The following TMEM9 variants were observed in gnomAD, a reference collection of about 807,000 sequenced individuals.
TMEM9 encodes the protein transmembrane protein 9.
Under a neutral mutation model 22.8 loss-of-function variants are expected in TMEM9, and 13 were observed. The observed-to-expected ratio is 0.57, with a 90% CI of 0.37 to 0.91. The LOEUF (loss-of-function observed/expected upper bound fraction) is 0.91. Ranked by LOEUF, TMEM9 falls within the 40% of genes least tolerant of loss-of-function variation. The probability of loss-of-function intolerance (pLI) is 0.01; values close to 1 mark genes in which losing one functional copy is unlikely to be tolerated. For missense variants in TMEM9, 182 were observed against 238.1 expected (o/e 0.76, Z 1.55); for synonymous variants, 88 against 93.0 (o/e 0.95, Z 0.31).
intron 4 of TMEM9, among the ~76,000 whole-genome samples, chr1:201,136,216 T>C (rs1663971120): frequency 6.6e-6 from 1 of 152,188 alleles, no homozygotes; most frequent in African/African-American, 2.4e-5. Context: ...ATGCTAAGTA[T>C]AGGCTTCAAG....
intron 3 of TMEM9, among the ~76,000 whole-genome samples, chr1:201,146,386 G>A (rs144570577): frequency 6.6e-6 from 1 of 152,318 alleles, no homozygotes; most frequent in African/African-American, 2.4e-5. Context: ...CCCATTGGCA[G>A]CATCTTGCCC....
At chr1:201,170,727 A>C (rs997850629) in intron 1 of TMEM9, among the ~76,000 whole-genome samples, 1 of 152,172 alleles carries the variant, frequency 6.6e-6, no homozygotes, top group Non-Finnish European at 1.5e-5. Flanking sequence ...AGTGTATTGC[A>C]TCAGGGTTGA....
At chr1:201,149,201 G>A (rs1665231190) in intron 2 of TMEM9, among the ~76,000 whole-genome samples, 1 of 152,126 alleles carries the variant, frequency 6.6e-6, no homozygotes, top group Non-Finnish European at 1.5e-5. Flanking sequence ...GTGATTGGGG[G>A]CAATTTATTT....
At chr1:201,161,253 C>T (rs765054743) in intron 1 of TMEM9, among the ~76,000 whole-genome samples, 2 of 152,068 alleles carry the variant, frequency 1.3e-5, no homozygotes, top group Admixed American at 6.5e-5. Flanking sequence ...TCTAACCTTC[C>T]GAAAACCCCA....
intron 2 of TMEM9, among the ~76,000 whole-genome samples, chr1:201,147,837 T>C (rs1558111941): frequency 6.6e-6 from 1 of 152,172 alleles, no homozygotes; most frequent in South Asian, 2.1e-4. Flanking sequence ...CAGGCTGCTC[T>C]CTGAAGGAGC....
rs1665646911 is a variant in TMEM9 at position 201,154,005 on chromosome 1, C to A, written c.-82G>T. 2 of 1,504,656 alleles carry A rather than the reference C, an allele frequency of 1.3e-6. No individual in the cohort carries two copies. The highest frequency in any genetic ancestry group is 1.8e-6 in the Non-Finnish European group (2 of 1,116,550). The allele number at this position is 1,504,656 out of a possible 1,614,324, so 93.2% of individuals were successfully genotyped here. On this transcript the variant is annotated 5_prime_UTR_variant, in exon 1 of 5. Coordinates refer to ENST00000367330, the MANE Select transcript of TMEM9 (RefSeq NM_001288565.2). ...TCGGAGAAGGGGAAGGTGGCCACAC[C>A]GCAGCCAGCACGCTAGGCCCTTAAC... is the stretch of plus-strand genomic sequence containing the variant.
At chr1:201,156,967 C>A (rs943593970), upstream of TMEM9, among the ~76,000 whole-genome samples, 5 of 152,136 alleles carry the variant, frequency 3.3e-5, no homozygotes, top group Admixed American at 3.3e-4. Context: ...AGTGAAGCAG[C>A]CTTGTTGTCT....
At chr1:201,145,958 T>A (rs535221193) in intron 3 of TMEM9, among the ~76,000 whole-genome samples, 1 of 152,154 alleles carries the variant, frequency 6.6e-6, no homozygotes, top group East Asian at 1.9e-4. Flanking sequence ...TCAGACCCAG[T>A]CTCTAAAAAA....
chr1:201,153,707 G>T, intron 1 of TMEM9, 151 bp downstream of exon 1: 1 of 1,541,812 alleles, frequency 6.5e-7, no homozygotes, highest in Non-Finnish European at 8.8e-7. Context: ...CAGCAGCCTT[G>T]AACCTGAAGG....
At chr1:201,145,652 A>T (rs1223786256) in intron 3 of TMEM9, 2 of 152,264 alleles carry the variant, frequency 1.3e-5, no homozygotes, top group Non-Finnish European at 2.9e-5. Flanking sequence ...GAAAAATGCT[A>T]CAAACTGGAA....
chr1:201,163,528 T>C (rs1039634899), intron 1 of TMEM9, among the ~76,000 whole-genome samples: 2 of 152,034 alleles, frequency 1.3e-5, no homozygotes, highest in African/African-American at 4.8e-5. Context: ...AGGCAGAGGG[T>C]GCAGTGAGCC....
chr1:201,145,965 A>G (rs1329950789), intron 3 of TMEM9, among the ~76,000 whole-genome samples: 1 of 152,228 alleles, frequency 6.6e-6, no homozygotes, highest in Non-Finnish European at 1.5e-5. Flanking sequence ...CAGTCTCTAA[A>G]AAACAAACAA....
At chr1:201,147,233 G>A (rs983154266) in intron 2 of TMEM9, among the ~76,000 whole-genome samples, 9 of 152,206 alleles carry the variant, frequency 5.9e-5, no homozygotes, top group Middle Eastern at 3.4e-3. Flanking sequence ...AGCCAGGGCC[G>A]CTCTCCTCTA....
Position 201,154,054 on chromosome 1 carries a change from T to G in TMEM9, c.-131A>C. 1.1e-5 allele frequency: 12 copies of G among 1,111,042 alleles called. No individual in the cohort carries two copies. The highest frequency in any genetic ancestry group is 1.5e-5 in the Non-Finnish European group (12 of 797,242). The allele number at this position is 1,111,042 out of a possible 1,614,324, so 68.8% of individuals were successfully genotyped here. ...ACCATCCGGCCAAGTGGGAATGGGG[T>G]TGGGGGCTGGGCTCCAGGATTCCAA... On this transcript the variant is annotated 5_prime_UTR_variant, in exon 1 of 5. Coordinates refer to ENST00000367330, the MANE Select transcript of TMEM9 (RefSeq NM_001288565.2).
chr1:201,142,871 C>A (rs569441761), intron 4 of TMEM9, among the ~76,000 whole-genome samples: 1 of 152,226 alleles, frequency 6.6e-6, no homozygotes, highest in Non-Finnish European at 1.5e-5. Flanking sequence ...GCTGTGCAGT[C>A]CTCACTCAGG....
At chr1:201,170,468 T>C (rs1666181722) in intron 1 of TMEM9, among the ~76,000 whole-genome samples, 1 of 152,090 alleles carries the variant, frequency 6.6e-6, no homozygotes. Flanking sequence ...AAGTGAAAAA[T>C]GCACTCATCT....
intron 4 of TMEM9, among the ~76,000 whole-genome samples, chr1:201,138,304 C>T (rs1462414437): frequency 6.6e-6 from 1 of 152,226 alleles, no homozygotes; most frequent in Admixed American, 6.5e-5. Context: ...GTTTTCCCTT[C>T]ATGTAAAGTC....
chr1:201,158,301 C>T (rs1408084015), upstream of TMEM9, among the ~76,000 whole-genome samples: 1 of 152,112 alleles, frequency 6.6e-6, no homozygotes, highest in East Asian at 1.9e-4. Context: ...ATAATACATT[C>T]GTGTTGTTTG....
intron 1 of TMEM9, among the ~76,000 whole-genome samples, chr1:201,160,733 G>A (rs1665921730): frequency 6.6e-6 from 1 of 151,988 alleles, no homozygotes. Context: ...TCAGGAGATC[G>A]AGAACATCCT....
Sources: allele counts gnomAD v4.1 joint callset (sites outside exome capture counted in the v4.1 genomes callset), GRCh38; gene constraint gnomAD v4.1.1; transcripts MANE v1.5; gene names NCBI Gene and HGNC (gene_info 2026-07-23, HGNC 2026-07-21).